Variants in ZNF721 observed in about 807,000 individuals in gnomAD.
ZNF721 encodes the protein zinc finger protein 721.
A neutral mutation model predicts 2.4 loss-of-function variants in ZNF721; 2 were observed. The observed-to-expected ratio is 0.82, with a 90% confidence interval of 0.34 to 2.58. The LOEUF (loss-of-function observed/expected upper bound fraction) is 2.58, where lower values mean the gene tolerates loss of function less well. Among genes scored for constraint, ZNF721 ranks in the 30% most tolerant of loss-of-function variants. The pLI is 0.11. For synonymous variants in ZNF721, 398 were observed against 381.8 expected (o/e 1.04, Z -0.50); for missense variants, 1,187 against 1,085.5 (o/e 1.09, Z -1.31).
intron 2 of ZNF721, among the ~76,000 whole-genome samples, chr4:469,274 C>T (rs1006916528): frequency 6.7e-6 from 1 of 149,964 alleles, no homozygotes; most frequent in South Asian, 2.1e-4. Context: ...AAAGTAACAA[C>T]AAAATTTCCC....
At chr4:498,273 G>A (rs558149573) in intron 1 of ZNF721, among the ~76,000 whole-genome samples, 3 of 150,994 alleles carry the variant, frequency 2.0e-5, no homozygotes, top group African/African-American at 7.3e-5. Context: ...AAAGGCGGGG[G>A]CAACTTGGAA....
At chr4:453,365 A>G (rs1376806067) in intron 2 of ZNF721, 1 of 152,192 alleles carries the variant, frequency 6.6e-6, no homozygotes, top group Non-Finnish European at 1.5e-5. Context: ...TGGGGAAAAA[A>G]ATACTGGGAA....
At chr4:490,106 C>T (rs1715984742) in intron 1 of ZNF721, among the ~76,000 whole-genome samples, 1 of 152,000 alleles carries the variant, frequency 6.6e-6, no homozygotes, top group African/African-American at 2.4e-5. Flanking sequence ...GATCCACCCA[C>T]CTCAACCTCC....
chr4:496,797 C>T (rs1162116935), intron 1 of ZNF721, among the ~76,000 whole-genome samples: 37 of 146,784 alleles, frequency 2.5e-4, no homozygotes, highest in Admixed American at 6.9e-5. Context: ...ACTGCAGGCT[C>T]CGCCTCCCGG....
intron 1 of ZNF721, among the ~76,000 whole-genome samples, chr4:487,659 C>A (rs1349213430): frequency 2.0e-5 from 3 of 152,150 alleles, no homozygotes; most frequent in African/African-American, 7.2e-5. Flanking sequence ...TATTGATTTT[C>A]TTTTTTCCTT....
chr4:458,517 G>A (rs1249717111), intron 2 of ZNF721, among the ~76,000 whole-genome samples: 2 of 152,122 alleles, frequency 1.3e-5, no homozygotes, highest in Non-Finnish European at 2.9e-5. Flanking sequence ...CACCACTAAA[G>A]GAAACTAAAA....
intron 1 of ZNF721, among the ~76,000 whole-genome samples, chr4:489,656 T>G (rs1553871186): frequency 6.6e-6 from 1 of 152,184 alleles, no homozygotes; most frequent in Non-Finnish European, 1.5e-5. Flanking sequence ...GCCCTCACTT[T>G]CTTGAGGTCA....
rs78536256 is a variant in ZNF721, at chr4:440,050, T to A, written c.*1645A>T. 6.6e-6 allele frequency: 1 copy of A among 152,190 alleles called. No individual in the cohort carries two copies. The highest frequency in any genetic ancestry group is 2.4e-5 in the African/African-American group (1 of 41,454). 9.4% of individuals were successfully genotyped at this position (152,190 alleles called of 1,614,324 possible). On this transcript the variant is annotated 3_prime_UTR_variant, in exon 3 of 3. Transcript: ENST00000511833. ...TTCACACATTATCTTAAGAGAATTT[T>A]AAAATTTACTGCATTTTATTGCACT...
At position 442,046 on chromosome 4, in the gene ZNF721, T is replaced by C; in HGVS notation, c.2421A>G (p.Lys807=). 6.2e-7 allele frequency: 1 copy of C among 1,613,970 alleles called. No homozygotes were observed. The highest frequency in any genetic ancestry group is 1.1e-5 in the South Asian group (1 of 91,074). ...AKHKRIHTGE[K]PFKCLECGKA... is the part of the protein sequence containing the mutation. ...TACCACATTCTAAACATTTAAAGGG[T>C]TTCTCACCTGTATGAATCCTCTTAT... is the stretch of plus-strand genomic sequence containing the variant. Residue 807 remains lysine (K), a synonymous_variant, in exon 3 of 3, where the codon AAA becomes AAG. Transcript: ENST00000511833.
intron 1 of ZNF721, among the ~76,000 whole-genome samples, chr4:483,684 GT>G (rs1553869849): frequency 6.6e-6 from 1 of 152,176 alleles, no homozygotes; most frequent in African/African-American, 2.4e-5. Flanking sequence ...TATTAGCTTT[GT>G]TATAATTTAT....
At chr4:476,368 G>C (rs1199054708) in intron 1 of ZNF721, among the ~76,000 whole-genome samples, 2 of 152,190 alleles carry the variant, frequency 1.3e-5, no homozygotes, top group Non-Finnish European at 2.9e-5. Context: ...GTCAATGTTT[G>C]AATCTGAACT....
intron 1 of ZNF721, among the ~76,000 whole-genome samples, chr4:495,451 T>C (rs1332651343): frequency 1.1e-5 from 1 of 94,268 alleles, no homozygotes; most frequent in Non-Finnish European, 1.9e-5. Context: ...GCCTTTAAAA[T>C]TGACTTTTTT....
chr4:464,000 C>T (rs1553866431), intron 2 of ZNF721, among the ~76,000 whole-genome samples: 2 of 151,904 alleles, frequency 1.3e-5, no homozygotes, highest in African/African-American at 4.8e-5. Flanking sequence ...TGCAAAAGTA[C>T]AAAGATTACT....
In ZNF721 at chr4:472,569, C is replaced by T. The variant is rs1715468922; in HGVS notation, c.34+6G>A. 1 of 1,598,536 alleles carries T rather than the reference C, an allele frequency of 6.3e-7. No homozygotes were observed. Among genetic ancestry groups the T allele is most frequent in the African/African-American group, 1.4e-5 (1 of 73,810 alleles). On this transcript the variant is annotated splice_donor_region_variant and intron_variant, in intron 2 of 2. Transcript: ENST00000511833. ...ATTAGGAATTATGCATTAAAGTTAT[C>T]CTCACCTAGGGAGACCAGGTTTCTG...
intron 1 of ZNF721, among the ~76,000 whole-genome samples, chr4:481,598 T>C (rs1462016896): frequency 2.0e-5 from 3 of 150,774 alleles, no homozygotes; most frequent in African/African-American, 7.3e-5. Context: ...TTTGACAGTC[T>C]CCCTCTGTCG....
intron 1 of ZNF721, among the ~76,000 whole-genome samples, chr4:494,045 T>A (rs2108725677): frequency 6.6e-6 from 1 of 152,338 alleles, no homozygotes; most frequent in Admixed American, 6.5e-5. Flanking sequence ...TTTTCTTTTT[T>A]CCTGATAAAG....
At chr4:469,362 A>C (rs1323065613) in intron 2 of ZNF721, among the ~76,000 whole-genome samples, 4 of 152,228 alleles carry the variant, frequency 2.6e-5, no homozygotes, top group Non-Finnish European at 5.9e-5. Context: ...GAAATAAAAA[A>C]TTTATACATT....
intron 1 of ZNF721, among the ~76,000 whole-genome samples, chr4:478,394 T>A (rs1379499132): frequency 2.6e-5 from 4 of 152,184 alleles, no homozygotes; most frequent in African/African-American, 9.7e-5. Flanking sequence ...ACCCCTTTTC[T>A]ATAGAGATGC....
chr4:469,612 A>G (rs1715369738), intron 2 of ZNF721, among the ~76,000 whole-genome samples: 1 of 152,244 alleles, frequency 6.6e-6, no homozygotes. Flanking sequence ...ACAACTTTAA[A>G]TAATCTGAGC....
Sources: allele counts gnomAD v4.1 joint callset (sites outside exome capture counted in the v4.1 genomes callset), GRCh38; gene constraint gnomAD v4.1.1; transcripts MANE v1.5; gene names NCBI Gene and HGNC (gene_info 2026-07-23, HGNC 2026-07-21).